The following TAFA4 variants were observed in gnomAD, a reference collection of about 807,000 sequenced individuals.
TAFA4 encodes chemokine-like protein TAFA-4.
TAFA4 carries 20 observed loss-of-function variants against 21.1 expected under a neutral mutation model. The ratio of observed to expected loss-of-function variants is 0.95; its 90% CI spans 0.67 to 1.38. The LOEUF (loss-of-function observed/expected upper bound fraction) is 1.38, where lower values mean the gene tolerates loss of function less well. TAFA4 is among the 40% of genes most tolerant of loss of function. The probability of loss-of-function intolerance (pLI) is 0.00; values close to 1 mark genes in which losing one functional copy is unlikely to be tolerated. For synonymous variants in TAFA4, 71 were observed against 67.4 expected, an observed-to-expected ratio of 1.05 and a Z score of -0.26; for missense variants, 211 against 180.9, an observed-to-expected ratio of 1.17 and a Z score of -0.95.
intron 3 of TAFA4, among the ~76,000 whole-genome samples, chr3:68,855,536 G>A (rs1366004038): frequency 1.3e-5 from 2 of 152,088 alleles, no homozygotes; most frequent in African/African-American, 2.4e-5. Flanking sequence ...AACAGCCGCT[G>A]CTGAAAAGAA....
At chr3:68,742,128 C>A (rs1047898598) in intron 4 of TAFA4, among the ~76,000 whole-genome samples, 3 of 152,110 alleles carry the variant, frequency 2.0e-5, no homozygotes, top group African/African-American at 7.2e-5. Context: ...TGGTCATCTC[C>A]TGCAGAAAAA....
intron 3 of TAFA4, among the ~76,000 whole-genome samples, chr3:68,816,589 A>T (rs979683052): frequency 2.0e-5 from 3 of 152,168 alleles, no homozygotes; most frequent in Non-Finnish European, 4.4e-5. Context: ...TATTAGTTCT[A>T]ATAGTTTTTA....
chr3:68,859,048 A>G (rs1027642491), intron 3 of TAFA4, among the ~76,000 whole-genome samples: 1 of 152,036 alleles, frequency 6.6e-6, no homozygotes, highest in Non-Finnish European at 1.5e-5. Context: ...CTACAAAAAA[A>G]AAAGAAATAA....
intron 1 of TAFA4, among the ~76,000 whole-genome samples, chr3:68,904,768 C>G (rs929662349): frequency 5.3e-5 from 8 of 152,172 alleles, no homozygotes; most frequent in Non-Finnish European, 1.0e-4. Context: ...TTATCAACTC[C>G]TCACTTCTGC....
At chr3:68,895,210 C>G (rs2089776352) in intron 1 of TAFA4, among the ~76,000 whole-genome samples, 1 of 152,150 alleles carries the variant, frequency 6.6e-6, no homozygotes, top group Non-Finnish European at 1.5e-5. Context: ...GTTGGCCAAG[C>G]TGGTCTCAAA....
chr3:68,869,317 A>G (rs901736194), intron 3 of TAFA4, among the ~76,000 whole-genome samples: 2 of 151,746 alleles, frequency 1.3e-5, no homozygotes, highest in African/African-American at 4.9e-5. Context: ...TACTCAAACT[A>G]TTCAAAAAAA....
intron 3 of TAFA4, among the ~76,000 whole-genome samples, chr3:68,756,775 C>G (rs964230791): frequency 5.3e-5 from 8 of 152,256 alleles, no homozygotes; most frequent in African/African-American, 1.9e-4. Context: ...AAATGATAAA[C>G]CTAATTAAAT....
intron 3 of TAFA4, among the ~76,000 whole-genome samples, chr3:68,781,195 G>T (rs1703147114): frequency 6.6e-6 from 1 of 151,556 alleles, no homozygotes; most frequent in Non-Finnish European, 1.5e-5. Context: ...AAACAAGAAA[G>T]GTCCTAAGTC....
chr3:68,770,805 C>T (rs1233140141), intron 3 of TAFA4, among the ~76,000 whole-genome samples: 3 of 152,244 alleles, frequency 2.0e-5, no homozygotes, highest in Admixed American at 1.3e-4. Context: ...GGGGTCCCGG[C>T]GAGGGCTCCA....
intron 5 of TAFA4, among the ~76,000 whole-genome samples, chr3:68,736,800 C>T (rs1301074644): frequency 6.6e-6 from 1 of 152,060 alleles, no homozygotes; most frequent in Non-Finnish European, 1.5e-5. Context: ...TTATGCAGTT[C>T]AAGTCACACT....
chr3:68,784,689 G>C (rs1477774767), intron 3 of TAFA4, among the ~76,000 whole-genome samples: 3 of 152,202 alleles, frequency 2.0e-5, no homozygotes, highest in Non-Finnish European at 4.4e-5. Flanking sequence ...CAGGGTGGAA[G>C]GGGACCCGAG....
intron 3 of TAFA4, among the ~76,000 whole-genome samples, chr3:68,769,529 C>T (rs1202632304): frequency 6.6e-6 from 1 of 152,116 alleles, no homozygotes; most frequent in Non-Finnish European, 1.5e-5. Flanking sequence ...CTATGATTAA[C>T]AGTAGTGTAT....
intron 3 of TAFA4, among the ~76,000 whole-genome samples, chr3:68,837,617 T>A (rs1345291639): frequency 6.6e-6 from 1 of 152,218 alleles, no homozygotes; most frequent in Non-Finnish European, 1.5e-5. Context: ...AGATTCCACA[T>A]TTTTAAAACA....
intron 3 of TAFA4, among the ~76,000 whole-genome samples, chr3:68,873,284 G>A (rs1200096416): frequency 6.7e-6 from 1 of 149,922 alleles, no homozygotes; most frequent in Non-Finnish European, 1.5e-5. Context: ...TCCAGGAGAA[G>A]ACAAATAGAA....
chr3:68,825,570 T>G (rs369865488), intron 3 of TAFA4, among the ~76,000 whole-genome samples: 221 of 148,284 alleles, frequency 1.5e-3, no homozygotes, highest in African/African-American at 5.3e-3. Flanking sequence ...TTTTTATTTA[T>G]CCAGTATTAA....
intron 1 of TAFA4, among the ~76,000 whole-genome samples, chr3:68,911,941 C>T (rs755911572): frequency 2.0e-5 from 3 of 152,186 alleles, no homozygotes; most frequent in Non-Finnish European, 2.9e-5. Context: ...CCACACCTCA[C>T]CTCCGAAGCA....
chr3:68,770,226 C>G (rs1204538066), intron 3 of TAFA4, among the ~76,000 whole-genome samples: 4 of 152,320 alleles, frequency 2.6e-5, no homozygotes, highest in Middle Eastern at 3.4e-3. Flanking sequence ...TCAAAAATAT[C>G]TCCCTCCTAA....
chr3:68,785,063 T>G (rs1254771233), intron 3 of TAFA4, among the ~76,000 whole-genome samples: 1 of 148,674 alleles, frequency 6.7e-6, no homozygotes, highest in Non-Finnish European at 1.5e-5. Context: ...GTTCTCCAAG[T>G]CCCCACCAGA....
At chr3:68,749,103 C>T (rs1702514273) in intron 4 of TAFA4, among the ~76,000 whole-genome samples, 2 of 152,170 alleles carry the variant, frequency 1.3e-5, no homozygotes, top group South Asian at 2.1e-4. Flanking sequence ...TTCCCTGTCC[C>T]GTCTCCCAAA....
Sources: gnomAD v4.1 joint callset for allele counts (sites outside exome capture counted in the v4.1 genomes callset) on GRCh38, gnomAD v4.1.1 for gene constraint, MANE v1.5 for transcripts, NCBI Gene and HGNC (gene_info 2026-07-23, HGNC 2026-07-21) for gene names.